Variants in FER observed in about 807,000 individuals in gnomAD.
FER encodes FER tyrosine kinase, also known as tyrosine-protein kinase Fer.
A neutral mutation model predicts 111.0 loss-of-function variants in FER; 63 were observed. The observed-to-expected ratio is 0.57, with a 90% confidence interval of 0.46 to 0.70. FER has a LOEUF of 0.70. Ranked by LOEUF, FER falls within the 30% of genes least tolerant of loss-of-function variation. The probability of loss-of-function intolerance (pLI) is 0.00; values close to 1 mark genes in which losing one functional copy is unlikely to be tolerated. For missense variants in FER, 914 were observed against 954.0 expected (o/e 0.96, Z 0.55); for synonymous variants, 327 against 313.9 (o/e 1.04, Z -0.44).
chr5:108,883,903 A>G (rs1213523684), intron 9 of FER, among the ~76,000 whole-genome samples: 2 of 151,898 alleles, frequency 1.3e-5, no homozygotes, highest in African/African-American at 4.8e-5. Context: ...AATAGTCTCT[A>G]CTCTGTTAAA....
chr5:108,994,337 G>T (rs1352805624), intron 13 of FER, among the ~76,000 whole-genome samples: 1 of 152,142 alleles, frequency 6.6e-6, no homozygotes, highest in Non-Finnish European at 1.5e-5. Context: ...TGGCTAGCCA[G>T]TTCTCCCAGC....
At chr5:108,958,374 G>T (rs3797825) in intron 12 of FER, among the ~76,000 whole-genome samples, 39,225 of 151,482 alleles carry the variant, frequency 0.26, 5,542 homozygotes, top group African/African-American at 0.38. Flanking sequence ...ATGAGAACTA[G>T]CAGTTGGAAG....
intron 16 of FER, 60 bp downstream of exon 16, chr5:109,047,258 A>G (rs1447847577): frequency 3.1e-6 from 3 of 966,220 alleles, no homozygotes; most frequent in Admixed American, 4.2e-5. Flanking sequence ...TATTGTTTTT[A>G]TATGTTCGAT....
intron 10 of FER, among the ~76,000 whole-genome samples, chr5:108,920,364 T>C (rs974834413): frequency 6.6e-5 from 10 of 152,164 alleles, no homozygotes; most frequent in African/African-American, 2.4e-4. Flanking sequence ...ACATAAGGTA[T>C]GACAGTTCAT....
chr5:109,051,012 G>A (rs1360563423), intron 16 of FER, among the ~76,000 whole-genome samples: 1 of 152,096 alleles, frequency 6.6e-6, no homozygotes, highest in Non-Finnish European at 1.5e-5. Flanking sequence ...GGTGTTTGCT[G>A]GGAGAAAAAG....
intron 3 of FER, among the ~76,000 whole-genome samples, chr5:108,811,622 C>T (rs1206732183): frequency 6.6e-6 from 1 of 151,790 alleles, no homozygotes; most frequent in Non-Finnish European, 1.5e-5. Context: ...GAAACAGAAC[C>T]AATAGGAGAT....
chr5:108,798,975 G>A (rs1756346498), intron 3 of FER, among the ~76,000 whole-genome samples: 2 of 151,958 alleles, frequency 1.3e-5, no homozygotes, highest in Admixed American at 1.3e-4. Flanking sequence ...TCTGGCTTTG[G>A]GTCATTTGAA....
At chr5:108,875,111 C>T (rs1315866786) in intron 8 of FER, among the ~76,000 whole-genome samples, 1 of 152,102 alleles carries the variant, frequency 6.6e-6, no homozygotes, top group African/African-American at 2.4e-5. Flanking sequence ...ATTTATCTAT[C>T]AGCCATATTT....
chr5:109,163,132 G>A (rs72798570), intron 17 of FER, among the ~76,000 whole-genome samples: 2,948 of 152,078 alleles, frequency 0.019, 48 homozygotes, highest in Middle Eastern at 0.092. Flanking sequence ...CATTTCATTA[G>A]AACAAAACAT....
At chr5:108,962,996 A>C (rs1759333530) in intron 13 of FER, among the ~76,000 whole-genome samples, 1 of 152,186 alleles carries the variant, frequency 6.6e-6, no homozygotes, top group African/African-American at 2.4e-5. Context: ...CATTCTATAA[A>C]ATATTAACTT....
chr5:108,844,061 T>TGTGTGTGAACACACATATGTGTGTGAAC (rs1561500033), intron 5 of FER, among the ~76,000 whole-genome samples: 1 of 89,986 alleles, frequency 1.1e-5, no homozygotes, highest in African/African-American at 4.9e-5. Context: ...TGTGTGAACA[T>TGTGTGTGAACACACATATGTGTGTGAAC]ATATATGTGT....
At chr5:109,143,343 A>G (rs1257646291) in intron 17 of FER, among the ~76,000 whole-genome samples, 1 of 152,170 alleles carries the variant, frequency 6.6e-6, no homozygotes, top group Non-Finnish European at 1.5e-5. Context: ...CCTAAAAGAT[A>G]GATTGTCTAA....
intron 5 of FER, among the ~76,000 whole-genome samples, chr5:108,852,446 G>C (rs560165232): frequency 6.6e-6 from 1 of 152,074 alleles, no homozygotes; most frequent in South Asian, 2.1e-4. Flanking sequence ...CTCAATTTGA[G>C]GTCACCAAGA....
intron 5 of FER, among the ~76,000 whole-genome samples, chr5:108,861,171 T>C (rs1763479746): frequency 6.6e-6 from 1 of 152,216 alleles, no homozygotes; most frequent in Admixed American, 6.5e-5. Flanking sequence ...AAGCAGAGTC[T>C]ACTTGTAGGC....
At chr5:109,125,780 C>G (rs1401074131) in intron 17 of FER, among the ~76,000 whole-genome samples, 1 of 152,168 alleles carries the variant, frequency 6.6e-6, no homozygotes, top group African/African-American at 2.4e-5. Flanking sequence ...TTTTGTAAAT[C>G]ATCTCATGTA....
At position 109,187,592 on chromosome 5, in the gene FER, A is replaced by T. The variant is rs1133392; in HGVS notation, c.*17A>T. 0.1 allele frequency: 166,784 copies of T among 1,613,506 alleles called. 9,101 individuals are homozygous for T. Among genetic ancestry groups the T allele is most frequent in the Middle Eastern group, 0.15 (924 of 6,050 alleles). On this transcript the variant is annotated 3_prime_UTR_variant, in exon 20 of 20. Transcript: ENST00000281092. ...CTCACATAGTGACAGGATGGCGCCA[A>T]ACTCAGCCTTCAGGACTCTGTCCTC...
chr5:109,186,661 A>G (rs1758905501), intron 19 of FER, among the ~76,000 whole-genome samples: 1 of 152,218 alleles, frequency 6.6e-6, no homozygotes, highest in South Asian at 2.1e-4. Flanking sequence ...TTTAAATAAT[A>G]TTCCCAATTG....
chr5:108,767,915 G>A (rs1752500596), intron 1 of FER, among the ~76,000 whole-genome samples, 178 bp from the exon 2 acceptor site: 1 of 152,194 alleles, frequency 6.6e-6, no homozygotes, highest in South Asian at 2.1e-4. Context: ...GAAAGATAGG[G>A]GAGGGAGTAA....
intron 2 of FER, among the ~76,000 whole-genome samples, chr5:108,794,532 C>CT (rs1278453018): frequency 1.5e-5 from 2 of 131,928 alleles, no homozygotes; most frequent in East Asian, 2.7e-4. Context: ...CCGCACCCCC[C>CT]CCCCTCCCCG....
Sources: gnomAD v4.1 joint callset for allele counts (sites outside exome capture counted in the v4.1 genomes callset) on GRCh38, gnomAD v4.1.1 for gene constraint, MANE v1.5 for transcripts, NCBI Gene and HGNC (gene_info 2026-07-23, HGNC 2026-07-21) for gene names.